RGS6: variants seen among roughly 807,000 people sequenced by gnomAD.
The protein encoded by RGS6 is regulator of G-protein signaling 6.
RGS6 carries 30 observed loss-of-function variants against 78.5 expected under a neutral mutation model. That is an observed-to-expected ratio of 0.38 (90% CI 0.29 to 0.52). RGS6 has a LOEUF of 0.52. RGS6 is among the 20% of genes least tolerant of loss of function. The pLI is 0.85. For missense variants in RGS6, 495 were observed against 609.7 expected, an observed-to-expected ratio of 0.81 and a Z score of 1.98; for synonymous variants, 206 against 206.0, an observed-to-expected ratio of 1.00 and a Z score of 0.00.
intron 2 of RGS6, among the ~76,000 whole-genome samples, chr14:72,182,466 T>C (rs1441827389): frequency 1.3e-5 from 2 of 150,344 alleles, no homozygotes; most frequent in Non-Finnish European, 3.0e-5. Context: ...GAATAGCTTA[T>C]ATTTTCTATT....
intron 3 of RGS6, among the ~76,000 whole-genome samples, chr14:72,356,969 A>T (rs905129605): frequency 2.0e-5 from 3 of 152,148 alleles, no homozygotes; most frequent in Admixed American, 6.6e-5. Flanking sequence ...TGCTGTAAAG[A>T]TACTTGAAAA....
chr14:72,480,620 G>A (rs1449819504), intron 12 of RGS6, among the ~76,000 whole-genome samples: 37 of 152,182 alleles, frequency 2.4e-4, no homozygotes, highest in Admixed American at 2.4e-3. Context: ...AGGAGGGAAA[G>A]GAGACGCGTG....
intron 2 of RGS6, among the ~76,000 whole-genome samples, chr14:72,208,935 CAATGAA>C: frequency 5.7e-4 from 1 of 1,758 alleles, no homozygotes; most frequent in East Asian, 0.045. Context: ...ATAAGAATAT[CAATGAA>C]ATAAGAATAT....
At chr14:72,261,855 C>G (rs552103073) in intron 2 of RGS6, among the ~76,000 whole-genome samples, 29 of 152,274 alleles carry the variant, frequency 1.9e-4, no homozygotes, top group African/African-American at 7.0e-4. Context: ...AAGCAAATTA[C>G]TTGGTTAATT....
At chr14:72,426,581 A>G (rs554386476) in intron 3 of RGS6, among the ~76,000 whole-genome samples, 68 of 152,242 alleles carry the variant, frequency 4.5e-4, no homozygotes, top group Non-Finnish European at 7.1e-4. Flanking sequence ...AAGGTTGTAC[A>G]CAGTAAGTGG....
the RGS6 span, among the ~76,000 whole-genome samples, chr14:72,622,125 G>T: frequency 6.6e-6 from 1 of 152,182 alleles, no homozygotes; most frequent in East Asian, 1.9e-4. Context: ...CCCTTGAAAT[G>T]ATACACACAA....
intron 3 of RGS6, among the ~76,000 whole-genome samples, chr14:72,354,296 C>T (rs1691723710): frequency 6.6e-6 from 1 of 151,984 alleles, no homozygotes; most frequent in South Asian, 2.1e-4. Flanking sequence ...TTGTAGACTG[C>T]TGACTTCTTC....
chr14:72,467,515 G>A (rs1420760847), intron 7 of RGS6, among the ~76,000 whole-genome samples: 1 of 152,028 alleles, frequency 6.6e-6, no homozygotes. Context: ...AAGCCAGCTG[G>A]GCCATCGCTC....
chr14:72,417,201 G>A (rs117957548), intron 3 of RGS6, among the ~76,000 whole-genome samples: 3,004 of 152,254 alleles, frequency 0.02, 61 homozygotes, highest in Non-Finnish European at 0.031. Context: ...AAAGCACTCA[G>A]CTATGAAAAA....
the RGS6 span, among the ~76,000 whole-genome samples, chr14:72,588,682 G>A: frequency 1.3e-5 from 2 of 152,150 alleles, no homozygotes; most frequent in East Asian, 1.9e-4. Context: ...TGGTGACCAC[G>A]CATGTCACTG....
At chr14:71,957,011 C>G (rs1165697986) in intron 1 of RGS6, among the ~76,000 whole-genome samples, 1 of 152,078 alleles carries the variant, frequency 6.6e-6, no homozygotes, top group Non-Finnish European at 1.5e-5. Flanking sequence ...GAAGGGTGGA[C>G]AGAGTGGAGG....
intron 2 of RGS6, among the ~76,000 whole-genome samples, chr14:72,239,372 C>T (rs1263430771): frequency 6.6e-6 from 1 of 152,170 alleles, no homozygotes; most frequent in South Asian, 2.1e-4. Context: ...CAGGAAGTTG[C>T]TTCTCCCTGG....
chr14:72,549,665 C>T (rs764740138), intron 17 of RGS6, among the ~76,000 whole-genome samples: 9 of 152,152 alleles, frequency 5.9e-5, no homozygotes, highest in Non-Finnish European at 1.2e-4. Context: ...CGTTCAAGAC[C>T]AGCCTGGTCA....
chr14:72,307,575 G>A (rs2067549320), intron 2 of RGS6, among the ~76,000 whole-genome samples: 2 of 152,000 alleles, frequency 1.3e-5, no homozygotes, highest in African/African-American at 2.4e-5. Flanking sequence ...CTGAGAGACT[G>A]TTTCTGATCT....
At chr14:72,344,682 A>T (rs966523483) in intron 2 of RGS6, among the ~76,000 whole-genome samples, 3 of 152,216 alleles carry the variant, frequency 2.0e-5, no homozygotes, top group African/African-American at 7.2e-5. Flanking sequence ...GTGGTGAGCA[A>T]ACCACTCTAA....
intron 2 of RGS6, among the ~76,000 whole-genome samples, chr14:72,076,880 AG>A (rs2094592702): frequency 6.6e-6 from 1 of 151,642 alleles, no homozygotes; most frequent in Admixed American, 6.6e-5. Flanking sequence ...GGCTATCTAT[AG>A]TCAAATTATT....
chr14:72,350,535 T>A (rs1391183786), intron 2 of RGS6, among the ~76,000 whole-genome samples: 2 of 152,182 alleles, frequency 1.3e-5, no homozygotes, highest in African/African-American at 4.8e-5. Flanking sequence ...TGAGCAAACA[T>A]GCTCTATGTA....
At position 72,474,609 on chromosome 14, in the gene RGS6, GT is replaced by G. The variant is rs765360949; in HGVS notation, c.619-6del. ...TTTCACGTAGTAATTTATATGATGT[GT>G]TTTTTTTTTCTCAGCCAGGCTGTGT... On this transcript the variant is annotated splice_polypyrimidine_tract_variant and intron_variant, in intron 9 of 17. Transcript: ENST00000553525. 514 of 1,412,638 alleles carry G rather than the reference GT, an allele frequency of 3.6e-4. 3 individuals carry two copies. The Admixed American group carries it at 4.4e-3, about 12-fold the overall frequency. The allele number at this position is 1,412,638 out of a possible 1,614,324, so 87.5% of individuals were successfully genotyped here. A position where few individuals can be genotyped will look rare whatever the true frequency, so the allele number is the denominator to read the frequency against.
At chr14:72,570,166 C>A (rs1208223796), downstream of RGS6, among the ~76,000 whole-genome samples, 2 of 151,996 alleles carry the variant, frequency 1.3e-5, no homozygotes, top group African/African-American at 4.8e-5. Flanking sequence ...AATTAAAAAA[C>A]AATATAGCAT....
Sources: gnomAD v4.1 joint callset for allele counts (sites outside exome capture counted in the v4.1 genomes callset) on GRCh38, gnomAD v4.1.1 for gene constraint, MANE v1.5 for transcripts, NCBI Gene and HGNC (gene_info 2026-07-23, HGNC 2026-07-21) for gene names.